Variants in TRIP12 observed in about 807,000 individuals in gnomAD.
The protein encoded by TRIP12 is thyroid hormone receptor interactor 12.
In TRIP12, 25 loss-of-function variants were observed where a neutral mutation model predicts 244.2. That is an observed-to-expected ratio of 0.10 (90% CI 0.07 to 0.14). The LOEUF (loss-of-function observed/expected upper bound fraction) is 0.14, where lower values mean the gene tolerates loss of function less well. TRIP12 is among the 10% of genes least tolerant of loss of function. The pLI is 1.00. For missense variants in TRIP12, 1,677 were observed against 2,486.4 expected (o/e 0.67, Z 6.92); for synonymous variants, 905 against 873.1 (o/e 1.04, Z -0.64).
intron 2 of TRIP12, among the ~76,000 whole-genome samples, chr2:229,863,670 T>A (rs1406065014): frequency 6.6e-6 from 1 of 152,176 alleles, no homozygotes; most frequent in Non-Finnish European, 1.5e-5. Flanking sequence ...TTATGTCCAC[T>A]TATAAATTAT....
chr2:229,840,563 G>T (rs984200678), intron 5 of TRIP12, among the ~76,000 whole-genome samples: 3 of 151,948 alleles, frequency 2.0e-5, no homozygotes, highest in East Asian at 1.9e-4. Context: ...TTAGCTGGGT[G>T]GGGTGGCAGG....
chr2:229,873,905 C>T (rs1278717591), intron 2 of TRIP12, among the ~76,000 whole-genome samples: 2 of 151,932 alleles, frequency 1.3e-5, no homozygotes, highest in Non-Finnish European at 2.9e-5. Context: ...AAACTTCAGA[C>T]AGATTCTAGT....
chr2:229,860,745 C>T (rs1175473843), intron 2 of TRIP12, among the ~76,000 whole-genome samples: 4 of 152,078 alleles, frequency 2.6e-5, no homozygotes, highest in South Asian at 2.1e-4. Context: ...CCCGCAATAC[C>T]GAAGAGTTTA....
intron 1 of TRIP12, among the ~76,000 whole-genome samples, chr2:229,884,321 C>T (rs1264762251): frequency 2.0e-5 from 3 of 147,388 alleles, no homozygotes; most frequent in African/African-American, 7.5e-5. Flanking sequence ...ACTGTAACCT[C>T]CACCTCCTGG....
chr2:229,850,726 G>A (rs1377489764), intron 4 of TRIP12, among the ~76,000 whole-genome samples: 1 of 152,230 alleles, frequency 6.6e-6, no homozygotes, highest in Non-Finnish European at 1.5e-5. Flanking sequence ...AGGGAGAGGC[G>A]CGAGTGGGAA....
At chr2:229,828,513 T>C (rs568710731) in intron 8 of TRIP12, among the ~76,000 whole-genome samples, 33 of 152,268 alleles carry the variant, frequency 2.2e-4, no homozygotes, top group Admixed American at 2.0e-3. Flanking sequence ...GGCTCATGCC[T>C]GTAATCCCAG....
At chr2:229,793,475 T>C (rs1011694501) in intron 26 of TRIP12, 1 of 164,710 alleles carries the variant, frequency 6.1e-6, no homozygotes, top group Admixed American at 6.2e-5. Flanking sequence ...TCCTGAACTA[T>C]TTAAGCACAC....
intron 1 of TRIP12, among the ~76,000 whole-genome samples, chr2:229,892,416 T>C (rs528875399): frequency 1.1e-4 from 16 of 152,288 alleles, no homozygotes; most frequent in South Asian, 1.0e-3. Context: ...AAAGTACCTA[T>C]GTCTTGAGTC....
At chr2:229,820,918 G>A (rs1344034968) in intron 8 of TRIP12, among the ~76,000 whole-genome samples, 1 of 152,058 alleles carries the variant, frequency 6.6e-6, no homozygotes, top group Non-Finnish European at 1.5e-5. Context: ...TCTGAATTTG[G>A]TTGCTAATGT....
At chr2:229,781,520 G>A (rs1198424840) in intron 34 of TRIP12, among the ~76,000 whole-genome samples, 1 of 152,190 alleles carries the variant, frequency 6.6e-6, no homozygotes, top group African/African-American at 2.4e-5. Context: ...TAGCCAGTAA[G>A]TGGGCAGGCC....
chr2:229,814,364 A>C, intron 11 of TRIP12, 39 bp from the exon 12 acceptor site: 6 of 1,589,036 alleles, frequency 3.8e-6, no homozygotes, highest in Non-Finnish European at 5.2e-6. Context: ...GTTATCATTT[A>C]AGTTCTTTCC....
At chr2:229,820,530 T>G (rs1242190838) in intron 8 of TRIP12, among the ~76,000 whole-genome samples, 2 of 152,222 alleles carry the variant, frequency 1.3e-5, no homozygotes, top group African/African-American at 4.8e-5. Context: ...TTATATTTAT[T>G]GATAATTTTA....
intron 8 of TRIP12, among the ~76,000 whole-genome samples, chr2:229,825,805 T>C (rs1402262119): frequency 1.3e-5 from 2 of 152,200 alleles, no homozygotes; most frequent in African/African-American, 4.8e-5. Context: ...TTGGCACATC[T>C]TGTCATACCA....
intron 39 of TRIP12, among the ~76,000 whole-genome samples, chr2:229,771,171 GC>G (rs1420518070): frequency 1.3e-5 from 2 of 152,182 alleles, no homozygotes; most frequent in African/African-American, 4.8e-5. Context: ...ATAAAGTCAA[GC>G]CCCCTCCATG....
intron 21 of TRIP12, among the ~76,000 whole-genome samples, chr2:229,800,536 C>T (rs1217278316): frequency 6.6e-6 from 1 of 151,864 alleles, no homozygotes; most frequent in Non-Finnish European, 1.5e-5. Flanking sequence ...ATGTGCTTGA[C>T]AATCAGGAAA....
At chr2:229,884,847 T>C (rs1409463339) in intron 1 of TRIP12, among the ~76,000 whole-genome samples, 1 of 152,142 alleles carries the variant, frequency 6.6e-6, no homozygotes, top group Non-Finnish European at 1.5e-5. Context: ...GGTGCACACC[T>C]GTGGTCCCAG....
chr2:229,848,504 A>G (rs979937887), intron 4 of TRIP12, among the ~76,000 whole-genome samples: 9 of 152,210 alleles, frequency 5.9e-5, no homozygotes, highest in Non-Finnish European at 8.8e-5. Context: ...AAGCATTTCA[A>G]GAGAAAAGTT....
intron 24 of TRIP12, among the ~76,000 whole-genome samples, chr2:229,797,400 A>G (rs1187337434): frequency 6.6e-6 from 1 of 152,178 alleles, no homozygotes; most frequent in Non-Finnish European, 1.5e-5. Flanking sequence ...GACTTAGAAA[A>G]CAGATGTGCT....
In TRIP12 at chr2:229,789,719, G is replaced by A. The variant is rs1364731330; in HGVS notation, c.4587C>T (p.Leu1529=). Residue 1529 remains leucine (L), a synonymous_variant, in exon 31 of 42, where the codon CTC becomes CTT. Transcript: ENST00000675903. ...PSVSNPLEVY[L]IPTPPENITF... is the part of the protein sequence containing the mutation. Reference sequence around the variant, plus strand: ...TTATATTTTCAGGTGGTGTGGGAATGAGGTAAACTTCTAAAGGATTTGATA... The same window carrying A: ...TTATATTTTCAGGTGGTGTGGGAATAAGGTAAACTTCTAAAGGATTTGATA... 4.3e-6 allele frequency: 7 copies of A among 1,614,068 alleles called. No individual in the cohort carries two copies. Among genetic ancestry groups the A allele is most frequent in the African/African-American group, 1.3e-5 (1 of 75,036 alleles).
Sources: allele counts gnomAD v4.1 joint callset (sites outside exome capture counted in the v4.1 genomes callset), GRCh38; gene constraint gnomAD v4.1.1; transcripts MANE v1.5; gene names NCBI Gene and HGNC (gene_info 2026-07-23, HGNC 2026-07-21).